The following TMTC2 variants were observed in gnomAD, a reference collection of about 807,000 sequenced individuals.
TMTC2 encodes the protein transmembrane O-mannosyltransferase targeting cadherins 2.
In TMTC2, 43 loss-of-function variants were observed where a neutral mutation model predicts 82.4. The ratio of observed to expected loss-of-function variants is 0.52; its 90% CI spans 0.41 to 0.67. The LOEUF is 0.67. Ranked by LOEUF, TMTC2 falls within the 30% of genes least tolerant of loss-of-function variation. The pLI, the probability that TMTC2 is intolerant of heterozygous loss-of-function variation, is 0.00. For synonymous variants in TMTC2, 408 were observed against 381.9 expected, an observed-to-expected ratio of 1.07 and a Z score of -0.80; for missense variants, 919 against 1,012.4, an observed-to-expected ratio of 0.91 and a Z score of 1.25.
At chr12:82,931,221 G>A (rs915338091) in intron 4 of TMTC2, among the ~76,000 whole-genome samples, 2 of 151,188 alleles carry the variant, frequency 1.3e-5, no homozygotes, top group Non-Finnish European at 2.9e-5. Flanking sequence ...GATTATTAAT[G>A]ATAGATTTTG....
chr12:83,043,450 T>C (rs925388599), intron 9 of TMTC2, among the ~76,000 whole-genome samples: 3 of 152,188 alleles, frequency 2.0e-5, no homozygotes, highest in Non-Finnish European at 4.4e-5. Context: ...CCATCTTGGC[T>C]TTTCCCCATT....
At chr12:83,115,644 A>G (rs878919645) in intron 11 of TMTC2, among the ~76,000 whole-genome samples, 1 of 83,784 alleles carries the variant, frequency 1.2e-5, no homozygotes, top group Admixed American at 1.1e-4. Context: ...CCTTTTTTTT[A>G]TTATTTTTTT....
intron 7 of TMTC2, among the ~76,000 whole-genome samples, chr12:82,969,669 A>C (rs1024807695): frequency 1.3e-5 from 2 of 152,206 alleles, no homozygotes; most frequent in African/African-American, 4.8e-5. Flanking sequence ...TTAATAGAAA[A>C]TAACAAGTTT....
At chr12:82,818,987 A>G (rs896820089) in intron 1 of TMTC2, among the ~76,000 whole-genome samples, 3 of 152,058 alleles carry the variant, frequency 2.0e-5, no homozygotes, top group African/African-American at 7.2e-5. Context: ...TAACTTACGG[A>G]CTACATTTAC....
At chr12:83,027,172 C>T (rs942209397) in intron 8 of TMTC2, among the ~76,000 whole-genome samples, 2 of 151,978 alleles carry the variant, frequency 1.3e-5, no homozygotes, top group African/African-American at 4.8e-5. Context: ...TTGTTTGTGC[C>T]GAATGCTGAC....
chr12:82,967,561 A>G (rs1878268248), intron 7 of TMTC2, among the ~76,000 whole-genome samples: 1 of 152,086 alleles, frequency 6.6e-6, no homozygotes, highest in Non-Finnish European at 1.5e-5. Flanking sequence ...GAGAAATTAT[A>G]ATAAAATATC....
At chr12:83,085,623 G>C (rs1484840336) in intron 11 of TMTC2, among the ~76,000 whole-genome samples, 2 of 152,174 alleles carry the variant, frequency 1.3e-5, no homozygotes, top group African/African-American at 4.8e-5. Context: ...TTAACCATCT[G>C]AGCTCAATTT....
intron 10 of TMTC2, among the ~76,000 whole-genome samples, chr12:83,056,681 C>T (rs2137465157): frequency 6.6e-6 from 1 of 152,042 alleles, no homozygotes; most frequent in Non-Finnish European, 1.5e-5. Flanking sequence ...TCTTCCTTAA[C>T]ACTTCCAAAC....
intron 1 of TMTC2, among the ~76,000 whole-genome samples, chr12:82,784,290 T>C (rs190577721): frequency 1.7e-4 from 26 of 152,190 alleles, no homozygotes; most frequent in Admixed American, 5.2e-4. Context: ...TTTTGGCATG[T>C]GGAAGCCACT....
intron 1 of TMTC2, among the ~76,000 whole-genome samples, chr12:82,707,304 G>T (rs1380961929): frequency 6.6e-6 from 1 of 152,110 alleles, no homozygotes; most frequent in Non-Finnish European, 1.5e-5. Context: ...CTATAATGAG[G>T]ATTTCATTCA....
intron 8 of TMTC2, among the ~76,000 whole-genome samples, chr12:83,009,902 A>G (rs1880377461): frequency 1.3e-5 from 2 of 152,284 alleles, no homozygotes; most frequent in African/African-American, 4.8e-5. Flanking sequence ...CACAACCTAG[A>G]TCCCTCACAG....
chr12:82,878,767 G>T (rs1419194708), intron 2 of TMTC2, among the ~76,000 whole-genome samples: 2 of 152,122 alleles, frequency 1.3e-5, no homozygotes, highest in African/African-American at 2.4e-5. Flanking sequence ...GCCAGGTGCG[G>T]TGCCATGTTC....
chr12:82,820,377 CT>C (rs552565465), intron 1 of TMTC2, among the ~76,000 whole-genome samples: 7 of 149,488 alleles, frequency 4.7e-5, no homozygotes, highest in Admixed American at 1.3e-4. Context: ...TTTCTTTTCT[CT>C]TTTTTTTTTC....
At chr12:82,808,043 T>A (rs1024890245) in intron 1 of TMTC2, among the ~76,000 whole-genome samples, 5 of 151,964 alleles carry the variant, frequency 3.3e-5, no homozygotes, top group African/African-American at 1.2e-4. Flanking sequence ...TTGGCATCTC[T>A]AGATTCAGTT....
At chr12:83,061,384 C>A (rs1312492244) in intron 10 of TMTC2, among the ~76,000 whole-genome samples, 2 of 151,598 alleles carry the variant, frequency 1.3e-5, no homozygotes, top group Non-Finnish European at 3.0e-5. Context: ...TTTTATAAAA[C>A]GAAAGCAATA....
At chr12:83,090,859 A>G (rs1883823409) in intron 11 of TMTC2, among the ~76,000 whole-genome samples, 1 of 152,148 alleles carries the variant, frequency 6.6e-6, no homozygotes, top group Non-Finnish European at 1.5e-5. Flanking sequence ...AAATCAACAA[A>G]TACATCCAGC....
At chr12:82,955,239 C>T (rs1877555128) in intron 4 of TMTC2, among the ~76,000 whole-genome samples, 1 of 152,130 alleles carries the variant, frequency 6.6e-6, no homozygotes, top group Non-Finnish European at 1.5e-5. Flanking sequence ...TAAATGTGTC[C>T]AGACATTGCC....
At chr12:83,033,079 A>C (rs1881508022) in intron 9 of TMTC2, among the ~76,000 whole-genome samples, 1 of 152,186 alleles carries the variant, frequency 6.6e-6, no homozygotes. Context: ...AAATTTTATA[A>C]GTTTCAATAT....
chr12:82,867,741 T>G (rs1408146925), intron 2 of TMTC2, among the ~76,000 whole-genome samples: 1 of 152,186 alleles, frequency 6.6e-6, no homozygotes, highest in Non-Finnish European at 1.5e-5. Flanking sequence ...ATGAAAACCT[T>G]ATTTCTCCTA....
Sources: allele counts gnomAD v4.1 joint callset (sites outside exome capture counted in the v4.1 genomes callset), GRCh38; gene constraint gnomAD v4.1.1; transcripts MANE v1.5; gene names NCBI Gene and HGNC (gene_info 2026-07-23, HGNC 2026-07-21).